Variants in SCAPER observed in about 807,000 individuals in gnomAD.
SCAPER encodes S phase cyclin A-associated protein in the endoplasmic reticulum.
A neutral mutation model predicts 182.2 loss-of-function variants in SCAPER; 98 were observed. That is an observed-to-expected ratio of 0.54 (90% CI 0.46 to 0.64). SCAPER has a LOEUF of 0.64. Among genes scored for constraint, SCAPER ranks in the 30% least tolerant of loss-of-function variants. The pLI, the probability that SCAPER is intolerant of heterozygous loss-of-function variation, is 0.00. For synonymous variants in SCAPER, 605 were observed against 564.6 expected (o/e 1.07, Z -1.01); for missense variants, 1,432 against 1,690.0 (o/e 0.85, Z 2.68).
At chr15:76,712,406 G>A (rs2059637904) in intron 17 of SCAPER, among the ~76,000 whole-genome samples, 1 of 152,144 alleles carries the variant, frequency 6.6e-6, no homozygotes, top group South Asian at 2.1e-4. Flanking sequence ...GCTTAGGATT[G>A]ACTTGGCGAT....
At chr15:76,472,494 T>TA (rs2050267010) in intron 24 of SCAPER, 1 of 388,738 alleles carries the variant, frequency 2.6e-6, no homozygotes. Context: ...GCTTCACCAG[T>TA]AGCTGGAATT....
Position 76,764,958 on chromosome 15 carries a change from C to T in SCAPER, c.1725+3G>A. 6.4e-7 allele frequency: 1 copy of T among 1,559,066 alleles called. No individual in the cohort carries two copies. Among genetic ancestry groups the T allele is most frequent in the Admixed American group, 1.9e-5 (1 of 52,684 alleles). Reference sequence around the variant, plus strand: ...CATAATTTCCTAAAAAATAAAAACTCACCCTTTCTAACAATTTCTGAAGCT... The same window carrying T: ...CATAATTTCCTAAAAAATAAAAACTTACCCTTTCTAACAATTTCTGAAGCT... On this transcript the variant is annotated splice_donor_region_variant and intron_variant, in intron 14 of 31. Transcript: ENST00000563290.
intron 5 of SCAPER, among the ~76,000 whole-genome samples, chr15:76,812,015 T>C (rs2066663296): frequency 6.6e-6 from 1 of 151,700 alleles, no homozygotes; most frequent in Non-Finnish European, 1.5e-5. Flanking sequence ...ATAAATCAAA[T>C]ATAGAAAAAC....
intron 5 of SCAPER, among the ~76,000 whole-genome samples, chr15:76,827,184 CT>C (rs1242160296): frequency 6.6e-6 from 1 of 152,192 alleles, no homozygotes; most frequent in African/African-American, 2.4e-5. Flanking sequence ...TCCATTTCCT[CT>C]CTTTGTCTAA....
chr15:76,654,539 C>T (rs186660102), intron 21 of SCAPER, among the ~76,000 whole-genome samples: 3 of 152,134 alleles, frequency 2.0e-5, no homozygotes, highest in East Asian at 1.9e-4. Context: ...ATTAGTTCAA[C>T]CACTGTGGAA....
chr15:76,419,403 A>C (rs955290509), intron 26 of SCAPER, among the ~76,000 whole-genome samples: 1 of 152,058 alleles, frequency 6.6e-6, no homozygotes, highest in Non-Finnish European at 1.5e-5. Context: ...AATTCTCCTA[A>C]ATATTTAAAG....
At position 76,795,432 on chromosome 15, in the gene SCAPER, G is replaced by C; in HGVS notation, c.620C>G (p.Thr207Ser). The C allele has an allele frequency of 1.3e-6, 2 of 1,588,948 alleles. No individual in the cohort carries two copies. Among genetic ancestry groups the C allele is most frequent in the East Asian group, 4.5e-5 (2 of 44,210 alleles). ...ARRSLNFGGSTGTVPAPRLAP... is the reference protein window; with the variant it reads ...ARRSLNFGGSSGTVPAPRLAP... ...CAGACGAGGAGCTGGCACTGTGCCA[G>C]TTGAACCTCTATGGAGAAAAATAAA... Residue 207 changes from threonine to serine, a missense_variant, in exon 8 of 32, where the codon ACT (threonine) becomes AGT (serine). Thr to Ser is a moderately conservative substitution (Grantham distance 58, BLOSUM62 1). Coordinates refer to ENST00000563290, the MANE Select transcript of SCAPER (RefSeq NM_020843.4).
chr15:76,604,681 C>G (rs1013871153), intron 22 of SCAPER, among the ~76,000 whole-genome samples: 5 of 152,064 alleles, frequency 3.3e-5, no homozygotes, highest in Non-Finnish European at 7.4e-5. Context: ...TTCCATTTGT[C>G]TGTATCCTCC....
chr15:76,736,046 A>G (rs548380994), intron 15 of SCAPER, among the ~76,000 whole-genome samples: 1 of 152,324 alleles, frequency 6.6e-6, no homozygotes, highest in African/African-American at 2.4e-5. Context: ...CAAAGATATT[A>G]CAAGTTTGGT....
At chr15:76,886,469 G>GAC (rs1433695692) in intron 1 of SCAPER, among the ~76,000 whole-genome samples, 2 of 152,180 alleles carry the variant, frequency 1.3e-5, no homozygotes. Context: ...AACAGAGTGA[G>GAC]ACTCTCTCTC....
At position 76,846,246 on chromosome 15, in the gene SCAPER, G is replaced by C. The variant is rs1276990228; in HGVS notation, c.196-4315C>G. Among the ~76,000 whole-genome samples the C allele has an allele frequency of 2.0e-5, 3 of 151,986 alleles. 1 individual carries two copies. Among genetic ancestry groups the C allele is most frequent in the South Asian group, 4.2e-4 (2 of 4,816 alleles). Reference sequence around the variant, plus strand: ...ACCTCAAACTATGAAATTGCTACAAGAAAACATTGGGGAAAATCTCCAGGA... The same window carrying C: ...ACCTCAAACTATGAAATTGCTACAACAAAACATTGGGGAAAATCTCCAGGA... On this transcript the variant is annotated intron_variant, in intron 4 of 31. Coordinates refer to ENST00000563290, the MANE Select transcript of SCAPER (RefSeq NM_020843.4).
chr15:76,381,736 T>C (rs1337463758), intron 27 of SCAPER, 121 bp from the exon 28 acceptor site: 4 of 771,686 alleles, frequency 5.2e-6, no homozygotes, highest in Non-Finnish European at 8.2e-6. Flanking sequence ...TTGTATAGTA[T>C]GGTAACAAGA....
intron 5 of SCAPER, among the ~76,000 whole-genome samples, chr15:76,824,721 A>AT (rs5813850): frequency 0.32 from 49,249 of 151,908 alleles, 8,258 homozygotes; most frequent in East Asian, 0.55. Flanking sequence ...TCAATCACTC[A>AT]TTTTTTTAAA....
chr15:76,417,233 AAC>A (rs1555428480), intron 26 of SCAPER, among the ~76,000 whole-genome samples: 1 of 151,644 alleles, frequency 6.6e-6, no homozygotes. Flanking sequence ...AAAACAAAAA[AAC>A]AAGAAACTGT....
chr15:76,746,570 A>T (rs1426977551), intron 15 of SCAPER, among the ~76,000 whole-genome samples: 1 of 152,268 alleles, frequency 6.6e-6, no homozygotes, highest in Non-Finnish European at 1.5e-5. Context: ...ACTGGAAAGC[A>T]AAAGCAAAAC....
At chr15:76,753,520 TC>T (rs1473121269) in intron 15 of SCAPER, among the ~76,000 whole-genome samples, 2 of 151,948 alleles carry the variant, frequency 1.3e-5, no homozygotes, top group African/African-American at 4.8e-5. Flanking sequence ...ACTGATAGTT[TC>T]AAGGATATAT....
At chr15:76,854,627 C>G (rs1324801823) in intron 4 of SCAPER, among the ~76,000 whole-genome samples, 1 of 151,644 alleles carries the variant, frequency 6.6e-6, no homozygotes, top group Non-Finnish European at 1.5e-5. Flanking sequence ...TCATGTGGAA[C>G]CAAAAAAACG....
intron 21 of SCAPER, among the ~76,000 whole-genome samples, chr15:76,665,119 G>GTACT (rs1396528031): frequency 6.6e-6 from 1 of 152,170 alleles, no homozygotes; most frequent in Non-Finnish European, 1.5e-5. Context: ...AGGTAATGAT[G>GTACT]TACTACACAG....
rs908845712 is a variant in SCAPER, at chr15:76,551,956, A to G, written c.2838+22202T>C. Among the ~76,000 whole-genome samples the G allele has an allele frequency of 1.3e-4, 19 of 151,852 alleles. 1 individual carries two copies. The highest frequency in any genetic ancestry group is 4.1e-4 in the African/African-American group (17 of 41,376). On this transcript the variant is annotated intron_variant, in intron 23 of 31. Coordinates refer to ENST00000563290, the MANE Select transcript of SCAPER (RefSeq NM_020843.4). ...TGGGAGGCCTAGTTGGTTCTCCTGT[A>G]GCCTCCATAGCCCTGTGACCTGCAG...
Sources: gnomAD v4.1 joint callset for allele counts (sites outside exome capture counted in the v4.1 genomes callset) on GRCh38, gnomAD v4.1.1 for gene constraint, MANE v1.5 for transcripts, NCBI Gene and HGNC (gene_info 2026-07-23, HGNC 2026-07-21) for gene names.